The following RADIL variants were observed in gnomAD, a reference collection of about 807,000 sequenced individuals.
RADIL encodes ras-associating and dilute domain-containing protein.
Under a neutral mutation model 97.6 loss-of-function variants are expected in RADIL, and 99 were observed. The observed-to-expected ratio is 1.01, with a 90% CI of 0.86 to 1.20. The LOEUF is 1.20. Ranked by LOEUF, RADIL falls within the 50% of genes most tolerant of loss-of-function variation. The pLI is 0.00. For missense variants in RADIL, 1,765 were observed against 1,498.9 expected (o/e 1.18, Z -2.93); for synonymous variants, 803 against 691.8 (o/e 1.16, Z -2.52).
At chr7:4,856,939 C>T (rs748803115) in intron 2 of RADIL, among the ~76,000 whole-genome samples, 18 of 152,166 alleles carry the variant, frequency 1.2e-4, no homozygotes, top group Admixed American at 3.3e-4. Context: ...TGACAGAGAC[C>T]GGATGGCTTC....
intron 1 of RADIL, among the ~76,000 whole-genome samples, chr7:4,881,442 A>AG (rs1784484915): frequency 8.0e-6 from 1 of 125,310 alleles, no homozygotes. Flanking sequence ...AAAGACAAAA[A>AG]TTGGCTGGGC....
intron 2 of RADIL, chr7:4,860,332 T>C: frequency 6.2e-7 from 1 of 1,613,954 alleles, no homozygotes; most frequent in Non-Finnish European, 8.5e-7. Context: ...GCTGGTGAAG[T>C]TCCTTTCTTC....
At position 4,800,301 on chromosome 7, in the gene RADIL, G is replaced by A; in HGVS notation, c.2852C>T (p.Ala951Val). 4 of 1,472,752 alleles carry A rather than the reference G, an allele frequency of 2.7e-6. No homozygotes were observed. Among genetic ancestry groups the A allele is most frequent in the Non-Finnish European group, 3.6e-6 (4 of 1,113,064 alleles). 91.2% of individuals were successfully genotyped at this position (1,472,752 alleles called of 1,614,324 possible). The stretch of plus-strand genomic sequence containing the variant: ...TGGAGGGGACTCCTCCGCAAGGGCT[G>A]CAGAGTCTCCTGGGTGGGGGCCAGG... ...LRGAAPEGDS[A>V]ALAEESPPAP... is the part of the protein sequence containing the mutation. The change falls in exon 13 of 15, where the codon GCA becomes GTA. Residue 951 changes from alanine (A) to valine (V), a missense_variant. Coordinates refer to ENST00000399583, the MANE Select transcript of RADIL (RefSeq NM_018059.5).
At position 4,817,434 on chromosome 7, in the gene RADIL, CCTGGCGCGGGCACCACCCAACGCGCCCAT is replaced by C; in HGVS notation, c.1616-112_1616-84del. ...AACTCAGCCAGCCGCCAGCTCTTTCCCTGGCGCGGGCACCACCCAACGCGCCCATCTGGGGTCCAGATGCGATAAACTGG... is the reference window on the plus strand; with the variant it reads ...AACTCAGCCAGCCGCCAGCTCTTTCCCTGGGGTCCAGATGCGATAAACTGG... On this transcript the variant is annotated intron_variant, in intron 6 of 14. Transcript: ENST00000399583. The surrounding 1 kb of genome is among the most constrained non-coding windows in gnomAD (Gnocchi z 8.3). 1 of 1,266,242 alleles carries C rather than the reference CCTGGCGCGGGCACCACCCAACGCGCCCAT, an allele frequency of 7.9e-7. No individual in the cohort carries two copies. Among genetic ancestry groups the C allele is most frequent in the Admixed American group, 2.1e-5 (1 of 48,028 alleles). The allele number at this position is 1,266,242 out of a possible 1,614,324, so 78.4% of individuals were successfully genotyped here.
rs533291446 is a variant in RADIL at position 4,883,177 on chromosome 7, C to A, written c.-65+419G>T. Among the ~76,000 whole-genome samples, 1 of 152,192 alleles carries A rather than the reference C, an allele frequency of 6.6e-6. No homozygotes were observed. The highest frequency in any genetic ancestry group is 1.9e-4 in the East Asian group (1 of 5,166). On this transcript the variant is annotated intron_variant, in intron 1 of 14. Transcript: ENST00000399583. This position sits in a 1 kb window ranked among gnomAD's most constrained non-coding sequence, Gnocchi z 7.1. ...GCGCGGAACCCTGCGCCCCGCTCCC[C>A]CGCTGCGCCCCGCTCCCCCGCTGCG...
rs1382356430 is a variant in RADIL, at chr7:4,822,848, T to C, written c.1455-294A>G. On this transcript the variant is annotated intron_variant, in intron 5 of 14. Coordinates refer to ENST00000399583, the MANE Select transcript of RADIL (RefSeq NM_018059.5). The surrounding 1 kb of genome is among the most constrained non-coding windows in gnomAD (Gnocchi z 5.3). ...GGCTTGCATGTCTTCTCTTTTGGAA[T>C]GAGATCATAAAGTGGCTGTGAATGC... 6.6e-6 allele frequency among the ~76,000 whole-genome samples: 1 copy of C among 151,974 alleles called. No homozygotes were observed. Among genetic ancestry groups the C allele is most frequent in the Non-Finnish European group, 1.5e-5 (1 of 67,984 alleles).
chr7:4,875,218 A>T (rs1159145407), intron 2 of RADIL, among the ~76,000 whole-genome samples: 2 of 119,556 alleles, frequency 1.7e-5, no homozygotes, highest in African/African-American at 4.9e-5. Context: ...AACAACAACA[A>T]CAACAACAAC....
intron 13 of RADIL, 26 bp from the exon 14 acceptor site, chr7:4,799,795 C>G (rs768066502): frequency 6.7e-6 from 10 of 1,482,060 alleles, no homozygotes; most frequent in South Asian, 2.6e-5. Flanking sequence ...GGCCTCAGAG[C>G]TCCGCAGGCC....
intron 2 of RADIL, chr7:4,861,889 A>C: frequency 1.7e-6 from 1 of 580,386 alleles, no homozygotes; most frequent in East Asian, 5.2e-5. Flanking sequence ...TGATCCGCTG[A>C]GGCGGAAGGG....
chr7:4,821,560 C>A lies in RADIL; in HGVS notation c.1615+834G>T, dbSNP rs1431038733. Among the ~76,000 whole-genome samples, 1 of 152,188 alleles carries A rather than the reference C, an allele frequency of 6.6e-6. No homozygotes were observed. Among genetic ancestry groups the A allele is most frequent in the Non-Finnish European group, 1.5e-5 (1 of 68,040 alleles). On this transcript the variant is annotated intron_variant, in intron 6 of 14. Transcript: ENST00000399583. The surrounding 1 kb of genome is among the most constrained non-coding windows in gnomAD (Gnocchi z 5.2). ...AGTATTTTCAGAACACTTCCTACTG[C>A]ATTTCAGAAATCCTGAAATGGTGGC...
rs1421866139 is a variant in RADIL, at chr7:4,803,712, A to G, written c.2333T>C (p.Leu778Pro). 1 of 1,568,034 alleles carries G rather than the reference A, an allele frequency of 6.4e-7. No individual in the cohort carries two copies. The highest frequency in any genetic ancestry group is 2.4e-5 in the East Asian group (1 of 42,078). The change falls in exon 11 of 15, where the codon CTG (leucine) becomes CCG (proline). Residue 778 changes from leucine (L) to proline (P), a missense_variant. Transcript: ENST00000399583. ...ESYENPPPIV[L>P]PSDGFQVDLE... ...GTCCACCTGGAAGCCGTCGCTGGGC[A>G]GGACGATGGGTGGGGGGTTTTCGTA...
intron 9 of RADIL, chr7:4,806,172 CAG>C (rs1562428309): frequency 1.0e-5 from 7 of 695,608 alleles, no homozygotes; most frequent in East Asian, 1.3e-4. Flanking sequence ...TTTTTTGAGA[CAG>C]AGTCTCATGC....
At chr7:4,865,345 T>G in intron 2 of RADIL, 1 of 564,752 alleles carries the variant, frequency 1.8e-6, no homozygotes, top group South Asian at 2.1e-5. Flanking sequence ...GTATTTTTAC[T>G]GTTTCTTTTC....
Position 4,883,402 on chromosome 7 carries a change from A to G in RADIL, c.-65+194T>C, listed in dbSNP as rs1784525129. ...GCCTCCGGGTACCGCCCCCCGGTCC[A>G]GGCCGGGGCCCGACAGCCAGTCGGT... On this transcript the variant is annotated intron_variant, in intron 1 of 14. Coordinates refer to ENST00000399583, the MANE Select transcript of RADIL (RefSeq NM_018059.5). This position sits in a 1 kb window ranked among gnomAD's most constrained non-coding sequence, Gnocchi z 7.1. 6.6e-6 allele frequency among the ~76,000 whole-genome samples: 1 copy of G among 151,922 alleles called. No homozygotes were observed. The highest frequency in any genetic ancestry group is 1.5e-5 in the Non-Finnish European group (1 of 67,950).
chr7:4,805,790 C>T, intron 9 of RADIL, 74 bp from the exon 10 acceptor site: 1 of 1,530,904 alleles, frequency 6.5e-7, no homozygotes, highest in Non-Finnish European at 8.8e-7. Context: ...ATGGCCTCCA[C>T]AGGTGGCCTG....
intron 11 of RADIL, among the ~76,000 whole-genome samples, chr7:4,802,224 C>T (rs980413757): frequency 1.3e-5 from 2 of 152,228 alleles, no homozygotes; most frequent in Non-Finnish European, 2.9e-5. Context: ...AGAGCTCCCG[C>T]CTGCTGCCCC....
Position 4,800,316 on chromosome 7 carries a change from T to G in RADIL, c.2843-6A>C, listed in dbSNP as rs772899955. ...CGCAAGGGCTGCAGAGTCTCCTGGG[T>G]GGGGGCCAGGAAAGGTGGGTGGGAG... On this transcript the variant is annotated splice_region_variant and splice_polypyrimidine_tract_variant and intron_variant, in intron 12 of 14. Transcript: ENST00000399583. 2 of 1,442,924 alleles carry G rather than the reference T, an allele frequency of 1.4e-6. No homozygotes were observed. Among genetic ancestry groups the G allele is most frequent in the Non-Finnish European group, 1.8e-6 (2 of 1,097,990 alleles). 89.4% of individuals were successfully genotyped at this position (1,442,924 alleles called of 1,614,324 possible). A position where few individuals can be genotyped will look rare whatever the true frequency, so the allele number is the denominator to read the frequency against.
In RADIL at chr7:4,799,225, G is replaced by A. The variant is rs1781994171; in HGVS notation, c.*153C>T. 1.6e-6 allele frequency: 1 copy of A among 629,730 alleles called. No homozygotes were observed. Among genetic ancestry groups the A allele is most frequent in the East Asian group, 2.7e-5 (1 of 36,470 alleles). 39.0% of individuals were successfully genotyped at this position (629,730 alleles called of 1,614,324 possible). A position where few individuals can be genotyped will look rare whatever the true frequency, so the allele number is the denominator to read the frequency against. On this transcript the variant is annotated 3_prime_UTR_variant, in exon 15 of 15. Transcript: ENST00000399583. ...GCCATATAAATAGAACCTACACTGA[G>A]ATGCATGTTATCAACAGGCATGTCC...
chr7:4,827,547 G>A (rs1166247853), intron 5 of RADIL, among the ~76,000 whole-genome samples: 1 of 152,120 alleles, frequency 6.6e-6, no homozygotes, highest in Non-Finnish European at 1.5e-5. Context: ...TGTAGTCCCA[G>A]CTACTCGGGA....
Sources: allele counts gnomAD v4.1 joint callset (sites outside exome capture counted in the v4.1 genomes callset), GRCh38; gene constraint gnomAD v4.1.1; non-coding constraint Gnocchi (gnomAD v3.1); transcripts MANE v1.5; gene names NCBI Gene and HGNC (gene_info 2026-07-23, HGNC 2026-07-21).